FANCM: variants seen among roughly 807,000 people sequenced by gnomAD.
The protein encoded by FANCM is FA complementation group M, also known as Fanconi anemia group M protein.
FANCM carries 140 observed loss-of-function variants against 199.5 expected under a neutral mutation model. The observed-to-expected ratio is 0.70, with a 90% CI of 0.61 to 0.81. The LOEUF (loss-of-function observed/expected upper bound fraction) is 0.81, where lower values mean the gene tolerates loss of function less well. Ranked by LOEUF, FANCM falls within the 30% of genes least tolerant of loss-of-function variation. The pLI is 0.00. For missense variants in FANCM, 2,410 were observed against 2,421.4 expected (o/e 1.00, Z 0.10); for synonymous variants, 840 against 836.8 (o/e 1.00, Z -0.07).
intron 3 of FANCM, among the ~76,000 whole-genome samples, chr14:45,146,286 C>G (rs1260271352): frequency 6.6e-6 from 1 of 150,492 alleles, no homozygotes; most frequent in Non-Finnish European, 1.5e-5. Context: ...CTCAAAGTGC[C>G]TCTTTTAGCA....
Position 45,198,791 on chromosome 14 carries a change from A to T in FANCM, c.5864A>T (p.Lys1955Met), listed in dbSNP as rs1250414854. 7.4e-6 allele frequency: 12 copies of T among 1,613,982 alleles called. No homozygotes were observed. Among genetic ancestry groups the T allele is most frequent in the Non-Finnish European group, 1.0e-5 (12 of 1,179,972 alleles). ...GAACTGTCTTTAGTGGAACAAAGAA[A>T]GAATGTTGGTATTCATGTTCCAACA... The part of the protein sequence containing the change: ...LKELSLVEQR[K>M]NVGIHVPTVV... Residue 1955 changes from lysine to methionine, a missense_variant, in exon 22 of 23, where the codon AAG becomes ATG. Coordinates refer to ENST00000267430, the MANE Select transcript of FANCM (RefSeq NM_020937.4).
intron 21 of FANCM, among the ~76,000 whole-genome samples, chr14:45,197,168 T>C (rs1594482937): frequency 1.3e-5 from 2 of 152,136 alleles, no homozygotes; most frequent in South Asian, 2.1e-4. Flanking sequence ...TCATGAGATA[T>C]GGAATCAGAA....
chr14:45,183,745 T>A, intron 16 of FANCM, 29 bp from the exon 17 acceptor site: 1 of 1,565,440 alleles, frequency 6.4e-7, no homozygotes, highest in Non-Finnish European at 8.8e-7. Context: ...ATTTTTTTCT[T>A]ATGCAAGAAT....
Position 45,189,861 on chromosome 14 carries a change from G to A in FANCM, c.5340+499G>A, listed in dbSNP as rs544606432. Among the ~76,000 whole-genome samples the A allele has an allele frequency of 3.1e-3, 467 of 152,028 alleles. 4 individuals are homozygous for A. The highest frequency in any genetic ancestry group is 4.1e-3 in the Non-Finnish European group (280 of 67,964). ...CGTATCCCTGTAGTCCCACCTACTT[G>A]GGAGGTTGAGGTAGGAGAATCGCTT... On this transcript the variant is annotated intron_variant, in intron 20 of 22. Transcript: ENST00000267430.
rs533087095 is a variant in FANCM at position 45,200,817 on chromosome 14, T to C, written c.*809T>C. 7.2e-5 allele frequency: 11 copies of C among 152,350 alleles called. No homozygotes were observed. Among genetic ancestry groups the C allele is most frequent in the Admixed American group, 4.6e-4 (7 of 15,310 alleles). The allele number at this position is 152,350 out of a possible 1,614,324, so 9.4% of individuals were successfully genotyped here. A position where few individuals can be genotyped will look rare whatever the true frequency, so the allele number is the denominator to read the frequency against. On this transcript the variant is annotated 3_prime_UTR_variant, in exon 23 of 23. Coordinates refer to ENST00000267430, the MANE Select transcript of FANCM (RefSeq NM_020937.4). ...GGAAACGTTTGCTTCCCCTCCACCA[T>C]GATTGTAAGTTCCCGAGGCCTCCCC...
chr14:45,185,080 C>A, intron 17 of FANCM, 137 bp from the exon 18 acceptor site: 1 of 666,408 alleles, frequency 1.5e-6, no homozygotes. Context: ...CTGCACTGGG[C>A]CTAGAAATTT....
rs140279071 is a variant in FANCM at position 45,186,411 on chromosome 14, G to C, written c.4672+1038G>C. 4.5e-3 allele frequency among the ~76,000 whole-genome samples: 682 copies of C among 152,292 alleles called. 10 individuals are homozygous for C. The highest frequency in any genetic ancestry group is 0.016 in the African/African-American group (656 of 41,558). On this transcript the variant is annotated intron_variant, in intron 18 of 22. Transcript: ENST00000267430. ...GATCTTACATACAATATATTTAGAG[G>C]AGATGGTTCAGATTGGCTGTAACAG...
intron 13 of FANCM, among the ~76,000 whole-genome samples, chr14:45,174,619 A>G (rs1888546284): frequency 6.6e-6 from 1 of 152,196 alleles, no homozygotes; most frequent in Non-Finnish European, 1.5e-5. Context: ...ACATACAGGT[A>G]CTACTATGTT....
chr14:45,155,990 A>G (rs1175609393), intron 8 of FANCM, among the ~76,000 whole-genome samples: 1 of 152,198 alleles, frequency 6.6e-6, no homozygotes, highest in African/African-American at 2.4e-5. Flanking sequence ...ATAAGTTAGC[A>G]TGGGGTAATA....
chr14:45,172,333 C>T (rs143479855), intron 12 of FANCM, among the ~76,000 whole-genome samples: 115 of 152,216 alleles, frequency 7.6e-4, no homozygotes, highest in African/African-American at 2.4e-3. Flanking sequence ...TTTGCCTAAG[C>T]CAATGTCTAG....
intron 13 of FANCM, among the ~76,000 whole-genome samples, chr14:45,174,444 G>A (rs1369320296): frequency 6.6e-6 from 1 of 151,614 alleles, no homozygotes; most frequent in East Asian, 1.9e-4. Flanking sequence ...AAGTAGTAGA[G>A]GAATCCTGAT....
intron 12 of FANCM, 80 bp downstream of exon 12, chr14:45,170,826 A>G: frequency 3.5e-6 from 4 of 1,142,748 alleles, no homozygotes; most frequent in Middle Eastern, 2.0e-4. Context: ...CTTTATAATG[A>G]TCAAGCAATA....
chr14:45,176,068 G>T lies in FANCM; in HGVS notation c.3314G>T (p.Ser1105Ile). The change falls in exon 14 of 23, where the codon AGC becomes ATC. Residue 1105 changes from serine to isoleucine, a missense_variant. Ser to Ile is a moderately radical substitution (Grantham distance 142). Coordinates refer to ENST00000267430, the MANE Select transcript of FANCM (RefSeq NM_020937.4). ...AACAATCGTGTTCAAATACACAGAA[G>T]CCCTGCACAGAATTTAGTTGGAGAG... is the stretch of plus-strand genomic sequence containing the variant. ...VPNNRVQIHR[S>I]PAQNLVGENN... 6.2e-7 allele frequency: 1 copy of T among 1,614,054 alleles called. No homozygotes were observed.
At chr14:45,152,515 AAAAT>A (rs1387572175) in intron 5 of FANCM, among the ~76,000 whole-genome samples, 2 of 152,226 alleles carry the variant, frequency 1.3e-5, no homozygotes, top group Non-Finnish European at 2.9e-5. Flanking sequence ...GCATTGGAAA[AAAAT>A]AAATGGATAA....
intron 11 of FANCM, among the ~76,000 whole-genome samples, chr14:45,168,031 C>G (rs1297608724): frequency 6.6e-6 from 1 of 152,052 alleles, no homozygotes; most frequent in Non-Finnish European, 1.5e-5. Flanking sequence ...GATCTGGTTT[C>G]TTAGATAAAA....
chr14:45,163,889 T>C (rs1285496305), intron 9 of FANCM, among the ~76,000 whole-genome samples: 1 of 152,206 alleles, frequency 6.6e-6, no homozygotes, highest in East Asian at 1.9e-4. Flanking sequence ...CTCTTTTGGC[T>C]TATATTGCTA....
intron 8 of FANCM, among the ~76,000 whole-genome samples, chr14:45,157,765 G>A (rs1887299576): frequency 6.6e-6 from 1 of 152,124 alleles, no homozygotes; most frequent in Non-Finnish European, 1.5e-5. Context: ...CAAGTCCTAC[G>A]TTTTGTTTTT....
intron 22 of FANCM, 89 bp from the exon 23 acceptor site, chr14:45,199,781 G>A (rs879666931): frequency 3.6e-6 from 4 of 1,125,108 alleles, no homozygotes; most frequent in Admixed American, 3.4e-5. Flanking sequence ...TTCCTTAAAG[G>A]CTACTGTGTT....
intron 14 of FANCM, among the ~76,000 whole-genome samples, chr14:45,179,861 A>G (rs1437519891): frequency 6.6e-6 from 1 of 151,950 alleles, no homozygotes; most frequent in African/African-American, 2.4e-5. Flanking sequence ...TGCCTGGCCC[A>G]TTTTTTGCTT....
Sources: gnomAD v4.1 joint callset for allele counts (sites outside exome capture counted in the v4.1 genomes callset) on GRCh38, gnomAD v4.1.1 for gene constraint, MANE v1.5 for transcripts, NCBI Gene and HGNC (gene_info 2026-07-23, HGNC 2026-07-21) for gene names.